The following SP7 variants were observed in gnomAD, a reference collection of about 807,000 sequenced individuals.
SP7 encodes Sp7 transcription factor.
A neutral mutation model predicts 27.9 loss-of-function variants in SP7; 13 were observed. The observed-to-expected ratio is 0.47, with a 90% CI of 0.30 to 0.74. The LOEUF is 0.74. Among genes scored for constraint, SP7 ranks in the 30% least tolerant of loss-of-function variants. The pLI, the probability that SP7 is intolerant of heterozygous loss-of-function variation, is 0.06. For missense variants in SP7, 525 were observed against 558.0 expected, an observed-to-expected ratio of 0.94 and a Z score of 0.60; for synonymous variants, 219 against 226.7, an observed-to-expected ratio of 0.97 and a Z score of 0.31.
At chr12:53,332,926 G>A (rs957983815) in intron 2 of SP7, among the ~76,000 whole-genome samples, 6 of 152,192 alleles carry the variant, frequency 3.9e-5, no homozygotes, top group African/African-American at 9.6e-5. Context: ...CGCCGACGCC[G>A]TCCCCCGCCC....
upstream of SP7, among the ~76,000 whole-genome samples, chr12:53,338,259 C>A (rs1185239163): frequency 2.0e-5 from 3 of 152,172 alleles, no homozygotes; most frequent in Non-Finnish European, 4.4e-5. Context: ...GGTGGGGTGT[C>A]CCTGTGACCT....
At chr12:53,335,902 T>C (rs1944765510) in intron 1 of SP7, 5 of 1,168,848 alleles carry the variant, frequency 4.3e-6, no homozygotes, top group Non-Finnish European at 5.6e-6. Context: ...GGGTCCAAAT[T>C]TCCTGCTCCA....
upstream of SP7, among the ~76,000 whole-genome samples, chr12:53,337,434 T>C (rs1944782659): frequency 6.6e-6 from 1 of 152,244 alleles, no homozygotes; most frequent in Non-Finnish European, 1.5e-5. Context: ...GAGAGAGGAC[T>C]GGGCAGCTAA....
chr12:53,334,374 A>ACACACT (rs1353823853), intron 2 of SP7, among the ~76,000 whole-genome samples: 25 of 139,880 alleles, frequency 1.8e-4, no homozygotes, highest in African/African-American at 6.6e-4. Context: ...ACACACACAC[A>ACACACT]CTCTCAGGGC....
chr12:53,336,553 T>A (rs147372774), upstream of SP7, among the ~76,000 whole-genome samples: 35 of 152,006 alleles, frequency 2.3e-4, no homozygotes, highest in Non-Finnish European at 4.3e-4. Context: ...GTACACACAG[T>A]ACCACTCACA....
rs1167697488 is a variant in SP7, at chr12:53,327,479, T to C, written c.*667A>G. 6.6e-6 allele frequency: 1 copy of C among 152,628 alleles called. No homozygotes were observed. Among genetic ancestry groups the C allele is most frequent in the East Asian group, 1.9e-4 (1 of 5,196 alleles). 9.5% of individuals were successfully genotyped at this position (152,628 alleles called of 1,614,324 possible). On this transcript the variant is annotated 3_prime_UTR_variant, in exon 3 of 3. Coordinates refer to ENST00000536324, the MANE Select transcript of SP7 (RefSeq NM_001173467.3). The stretch of plus-strand genomic sequence containing the variant: ...GACCCGTCATCATAACTTACATAAA[T>C]AGAATTATTACTATTCATTACTCCT...
At position 53,327,434 on chromosome 12, in the gene SP7, C is replaced by T. The variant is rs1261834454; in HGVS notation, c.*712G>A. 1 of 152,602 alleles carries T rather than the reference C, an allele frequency of 6.6e-6. No homozygotes were observed. Among genetic ancestry groups the T allele is most frequent in the Non-Finnish European group, 1.5e-5 (1 of 68,046 alleles). The allele number at this position is 152,602 out of a possible 1,614,324, so 9.5% of individuals were successfully genotyped here. ...CCTTAGCAGAAATGGATCCACTTCC[C>T]TCCCCAGCTCACTCTACCTGACCCG... On this transcript the variant is annotated 3_prime_UTR_variant, in exon 3 of 3. Coordinates refer to ENST00000536324, the MANE Select transcript of SP7 (RefSeq NM_001173467.3).
At chr12:53,340,884 T>C (rs544267070), upstream of SP7, among the ~76,000 whole-genome samples, 8 of 152,214 alleles carry the variant, frequency 5.3e-5, no homozygotes, top group African/African-American at 1.7e-4. Context: ...CTAAGAGCAA[T>C]GGGGCTGATG....
In SP7 at chr12:53,344,630, C is replaced by T. The variant is rs1207426222; in HGVS notation, c.-34+484G>A. Among the ~76,000 whole-genome samples the T allele has an allele frequency of 6.6e-6, 1 of 152,188 alleles. No individual in the cohort carries two copies. Among genetic ancestry groups the T allele is most frequent in the Non-Finnish European group, 1.5e-5 (1 of 68,038 alleles). ...TGTGAGGCAAGAAGGACGGTTGAAG[C>T]TGAGGCAGGATTTGGGGGGTCTTAG... On this transcript the variant is annotated intron_variant, in intron 1 of 1. Coordinates refer to the SP7 transcript ENST00000547755. The surrounding 1 kb of genome is among the most constrained non-coding windows in gnomAD (Gnocchi z 4.6).
chr12:53,329,954 A>G (rs1257647927), intron 2 of SP7, among the ~76,000 whole-genome samples: 1 of 151,964 alleles, frequency 6.6e-6, no homozygotes, highest in Non-Finnish European at 1.5e-5. Flanking sequence ...GACTGGTCTC[A>G]AACTCCTGAC....
At chr12:53,334,472 A>G (rs1171683900) in intron 2 of SP7, among the ~76,000 whole-genome samples, 1 of 152,006 alleles carries the variant, frequency 6.6e-6, no homozygotes, top group Non-Finnish European at 1.5e-5. Context: ...TCACAAACAC[A>G]CACCTCTCCC....
At chr12:53,338,318 G>A (rs1022533330), upstream of SP7, among the ~76,000 whole-genome samples, 1 of 152,166 alleles carries the variant, frequency 6.6e-6, no homozygotes, top group South Asian at 2.1e-4. Context: ...GGTGCCAGAT[G>A]GCTTTCCGGG....
rs1249578214 is a variant in SP7, at chr12:53,326,853, T to C, written c.*1293A>G. ...ATCAGCTTGGGGGCCTCTGTCCTCC[T>C]AGCTCTTTAAGTTCTTTCTCAGGGC... On this transcript the variant is annotated 3_prime_UTR_variant, in exon 3 of 3. Transcript: ENST00000536324. The C allele has an allele frequency of 6.6e-6, 1 of 152,376 alleles. No homozygotes were observed. The highest frequency in any genetic ancestry group is 1.5e-5 in the Non-Finnish European group (1 of 68,056). 9.4% of individuals were successfully genotyped at this position (152,376 alleles called of 1,614,324 possible). A position where few individuals can be genotyped will look rare whatever the true frequency, so the allele number is the denominator to read the frequency against.
Position 53,328,320 on chromosome 12 carries a change from G to A in SP7, c.1122C>T (p.Arg374=), listed in dbSNP as rs765120823. ...GACCCGGGCCTGGTTCTCCATGGGTGCGCTGGTGTTTGCTCAGGTGGTCGC... is the reference window on the plus strand; with the variant it reads ...GACCCGGGCCTGGTTCTCCATGGGTACGCTGGTGTTTGCTCAGGTGGTCGC... ...TRSDHLSKHQ[R]THGEPGPGPP... is the part of the protein sequence containing the mutation. The change falls in exon 3 of 3, where the codon CGC becomes CGT. Residue 374 remains arginine (R), a synonymous_variant. Coordinates refer to ENST00000536324, the MANE Select transcript of SP7 (RefSeq NM_001173467.3). The surrounding 1 kb of genome is among the most constrained non-coding windows in gnomAD (Gnocchi z 5.1). 28 of 1,611,212 alleles carry A rather than the reference G, an allele frequency of 1.7e-5. No homozygotes were observed. The highest frequency in any genetic ancestry group is 2.4e-5 in the Non-Finnish European group (28 of 1,178,144).
chr12:53,329,536 G>A (rs547665797), intron 2 of SP7, 116 bp from the exon 3 acceptor site: 3 of 858,424 alleles, frequency 3.5e-6, no homozygotes, highest in East Asian at 5.3e-5. Flanking sequence ...GGTCAGGGAA[G>A]AGTTGAAGAG....
chr12:53,335,792 G>C (rs1565793353), intron 1 of SP7, 99 bp from the exon 2 acceptor site: 4 of 1,356,178 alleles, frequency 2.9e-6, no homozygotes, highest in African/African-American at 3.0e-5. Flanking sequence ...GGACCGGGGT[G>C]GGGGGCTGCT....
chr12:53,336,886 G>A (rs1474586753), upstream of SP7, among the ~76,000 whole-genome samples: 1 of 152,138 alleles, frequency 6.6e-6, no homozygotes, highest in Non-Finnish European at 1.5e-5. Context: ...AGTTGGGGAA[G>A]GCTTGGTATT....
intron 1 of SP7, among the ~76,000 whole-genome samples, chr12:53,341,994 C>G (rs190801344): frequency 0.015 from 2,256 of 151,450 alleles, 27 homozygotes; most frequent in Middle Eastern, 0.044. Context: ...GGAGGTGGAG[C>G]TTGCAGTGAG....
upstream of SP7, among the ~76,000 whole-genome samples, chr12:53,339,702 G>C (rs1481667954): frequency 1.4e-5 from 2 of 137,936 alleles, no homozygotes; most frequent in Non-Finnish European, 3.1e-5. Context: ...TCCAGCCTGG[G>C]CAACAAGAAC....
Sources: gnomAD v4.1 joint callset for allele counts (sites outside exome capture counted in the v4.1 genomes callset) on GRCh38, gnomAD v4.1.1 for gene constraint, Gnocchi (gnomAD v3.1) non-coding constraint, MANE v1.5 for transcripts, NCBI Gene and HGNC (gene_info 2026-07-23, HGNC 2026-07-21) for gene names.